Variants in AFAP1 observed in about 807,000 individuals in gnomAD.
AFAP1 encodes the protein actin filament-associated protein 1.
A neutral mutation model predicts 93.9 loss-of-function variants in AFAP1; 75 were observed. The ratio of observed to expected loss-of-function variants is 0.80; its 90% CI spans 0.66 to 0.97. The LOEUF is 0.97. AFAP1 is among the 50% of genes least tolerant of loss of function. AFAP1 has a pLI of 0.00. For missense variants in AFAP1, 1,201 were observed against 1,050.8 expected (o/e 1.14, Z -1.98); for synonymous variants, 517 against 430.7 (o/e 1.20, Z -2.48).
In AFAP1 at chr4:7,778,811, A is replaced by G; in HGVS notation, c.1848T>C (p.Ser616=). 6.2e-7 allele frequency: 1 copy of G among 1,614,220 alleles called. No individual in the cohort carries two copies. The highest frequency in any genetic ancestry group is 8.5e-7 in the Non-Finnish European group (1 of 1,180,044). Residue 616 remains serine (S), a synonymous_variant, in exon 14 of 18, where the codon AGT becomes AGC. Coordinates refer to ENST00000420658, the MANE Select transcript of AFAP1 (RefSeq NM_001134647.2). ...GVTGKGKTLS[S]QPKKADPAAV... The stretch of plus-strand genomic sequence containing the variant: ...CCGCGGGATCCGCTTTCTTTGGCTG[A>G]CTGCTCAGAGTCTTCCCTTTTCCTG...
At chr4:7,863,699 G>A (rs1435627459) in intron 3 of AFAP1, among the ~76,000 whole-genome samples, 1 of 152,030 alleles carries the variant, frequency 6.6e-6, no homozygotes, top group Non-Finnish European at 1.5e-5. Flanking sequence ...GGCATCTCAG[G>A]CTTTATTAAC....
At chr4:7,887,489 T>C (rs1718201973) in intron 1 of AFAP1, among the ~76,000 whole-genome samples, 2 of 152,206 alleles carry the variant, frequency 1.3e-5, no homozygotes, top group Non-Finnish European at 2.9e-5. Flanking sequence ...TCAATTAAGC[T>C]AAAATAAATC....
intron 6 of AFAP1, among the ~76,000 whole-genome samples, chr4:7,827,397 C>T (rs1721520812): frequency 6.6e-6 from 1 of 151,680 alleles, no homozygotes; most frequent in African/African-American, 2.4e-5. Flanking sequence ...CATAGAGAAA[C>T]CCCGTCTCTA....
intron 15 of AFAP1, 101 bp downstream of exon 15, chr4:7,774,638 G>C: frequency 6.8e-7 from 1 of 1,463,990 alleles, no homozygotes; most frequent in Admixed American, 2.4e-5. Flanking sequence ...TAAATAAAAT[G>C]ACAGCCTTGG....
intron 9 of AFAP1, among the ~76,000 whole-genome samples, chr4:7,807,301 T>G (rs972179766): frequency 6.6e-6 from 1 of 152,230 alleles, no homozygotes; most frequent in Admixed American, 6.5e-5. Flanking sequence ...ATTCCCGCTT[T>G]CTATTGTTAA....
chr4:7,877,549 T>A (rs942498056), intron 1 of AFAP1, among the ~76,000 whole-genome samples: 9 of 152,108 alleles, frequency 5.9e-5, no homozygotes, highest in Non-Finnish European at 1.3e-4. Context: ...GTGTTGTAGG[T>A]GAGGAAACAG....
intron 11 of AFAP1, among the ~76,000 whole-genome samples, chr4:7,791,855 A>C (rs201147648): frequency 2.7e-5 from 4 of 147,190 alleles, no homozygotes; most frequent in South Asian, 4.2e-4. Flanking sequence ...AAAAAAACAA[A>C]AACAAAAAAC....
At chr4:7,774,610 G>C in intron 15 of AFAP1, 129 bp downstream of exon 15, 1 of 1,334,070 alleles carries the variant, frequency 7.5e-7, no homozygotes, top group South Asian at 1.5e-5. Flanking sequence ...GAAACACTGT[G>C]AGATAACCCA....
chr4:7,938,137 G>A lies in AFAP1; in HGVS notation c.-3+1519C>T, dbSNP rs562801036. Among the ~76,000 whole-genome samples, 211 of 152,114 alleles carry A rather than the reference G, an allele frequency of 1.4e-3. 2 individuals are homozygous for A. In the South Asian group the frequency reaches 0.034, roughly 25 times the overall value. ...TCAACAGAGTCCATAGCAATGGGTCGGCATGAGCTGATGACTGGAGGTGCG... is the reference window on the plus strand; with the variant it reads ...TCAACAGAGTCCATAGCAATGGGTCAGCATGAGCTGATGACTGGAGGTGCG... On this transcript the variant is annotated intron_variant, in intron 1 of 17. Transcript: ENST00000420658.
chr4:7,784,185 G>A (rs1468538662), intron 12 of AFAP1, among the ~76,000 whole-genome samples: 9 of 152,246 alleles, frequency 5.9e-5, no homozygotes, highest in Middle Eastern at 3.4e-3. Context: ...CCCCAGGGAG[G>A]ATTGGCTGAG....
At position 7,768,930 on chromosome 4, in the gene AFAP1, G is replaced by A; in HGVS notation, c.2332C>T (p.Pro778Ser). ...CDTSDTEGPV[P>S]VNSAAVLKKS... ...TTCAAGACGGCCGCGCTGTTCACCG[G>A]CACGGGGCCCTCGGTGTCACTGGTG... Residue 778 changes from proline (P) to serine (S), a missense_variant, in exon 17 of 18, where the codon CCG becomes TCG. Coordinates refer to ENST00000420658, the MANE Select transcript of AFAP1 (RefSeq NM_001134647.2). The A allele has an allele frequency of 6.2e-7, 1 of 1,613,806 alleles. No homozygotes were observed. The highest frequency in any genetic ancestry group is 8.5e-7 in the Non-Finnish European group (1 of 1,179,852).
intron 3 of AFAP1, among the ~76,000 whole-genome samples, chr4:7,856,304 G>A (rs1003778744): frequency 4.0e-5 from 6 of 151,776 alleles, no homozygotes; most frequent in African/African-American, 7.3e-5. Context: ...GTGCAGTGGC[G>A]CAATCTCTGC....
chr4:7,885,119 G>C (rs543254778), intron 1 of AFAP1, among the ~76,000 whole-genome samples: 11 of 152,246 alleles, frequency 7.2e-5, no homozygotes, highest in African/African-American at 2.2e-4. Flanking sequence ...TGACCAACCT[G>C]CTTTTCAGAA....
chr4:7,794,834 T>TTTAGAAAA (rs1414919743), intron 10 of AFAP1, among the ~76,000 whole-genome samples: 2 of 152,190 alleles, frequency 1.3e-5, no homozygotes, highest in Non-Finnish European at 2.9e-5. Flanking sequence ...CTTTAAGCCA[T>TTTAGAAAA]TGTTTTAAAG....
In AFAP1 at chr4:7,816,044, A is replaced by G. The variant is rs781388798; in HGVS notation, c.878T>C (p.Ile293Thr). Residue 293 changes from isoleucine to threonine, a missense_variant, in exon 8 of 18, where the codon ATT becomes ACT. Physicochemically the swap from Ile to Thr is moderately conservative, Grantham distance 89. Transcript: ENST00000420658. ...SDGEGVVENG[I>T]TTCNGKEQVK... ...TTGCTCCTTTCCATTACATGTGGTA[A>G]TTCCATTTTCCACAACACCCTCCCC... 2 of 1,612,974 alleles carry G rather than the reference A, an allele frequency of 1.2e-6. No homozygotes were observed. The highest frequency in any genetic ancestry group is 1.7e-5 in the Admixed American group (1 of 60,006).
intron 12 of AFAP1, among the ~76,000 whole-genome samples, chr4:7,784,207 G>A (rs1321545646): frequency 1.3e-5 from 2 of 152,118 alleles, no homozygotes; most frequent in Non-Finnish European, 2.9e-5. Flanking sequence ...GGGAAAGGAG[G>A]AGATTCACTG....
chr4:7,922,134 G>T (rs770502592), intron 1 of AFAP1, among the ~76,000 whole-genome samples: 1 of 152,118 alleles, frequency 6.6e-6, no homozygotes, highest in Non-Finnish European at 1.5e-5. Flanking sequence ...AAAAAAACTG[G>T]CAACAGTGGT....
intron 4 of AFAP1, among the ~76,000 whole-genome samples, chr4:7,850,245 C>T (rs1714283013): frequency 6.6e-6 from 1 of 152,202 alleles, no homozygotes; most frequent in Non-Finnish European, 1.5e-5. Flanking sequence ...CAAGATAGCT[C>T]CCTGTGAACC....
chr4:7,772,899 T>C lies in AFAP1; in HGVS notation c.2174A>G (p.Glu725Gly), dbSNP rs1283654792. 3 of 1,614,074 alleles carry C rather than the reference T, an allele frequency of 1.9e-6. No homozygotes were observed. The highest frequency in any genetic ancestry group is 2.5e-6 in the Non-Finnish European group (3 of 1,180,048). The change falls in exon 16 of 18, where the codon GAG (glutamate) becomes GGG (glycine). Residue 725 changes from glutamate (E) to glycine (G), a missense_variant. Transcript: ENST00000420658. ...GCCCGCCAGCGCTTTCTTCAGGCTC[T>C]CCTTGACCTCCGTCAGCTCCAGCTC... The part of the protein sequence containing the change: ...SLELELTEVK[E>G]SLKKALAGGV...
Sources: allele counts gnomAD v4.1 joint callset (sites outside exome capture counted in the v4.1 genomes callset), GRCh38; gene constraint gnomAD v4.1.1; transcripts MANE v1.5; gene names NCBI Gene and HGNC (gene_info 2026-07-23, HGNC 2026-07-21).